The following GNPTG variants were observed in gnomAD, a reference collection of about 807,000 sequenced individuals.
The protein encoded by GNPTG is N-acetylglucosamine-1-phosphotransferase subunit gamma.
GNPTG carries 46 observed loss-of-function variants against 43.8 expected under a neutral mutation model. The observed-to-expected ratio is 1.05, with a 90% CI of 0.83 to 1.34. GNPTG has a LOEUF of 1.34. GNPTG is among the 40% of genes most tolerant of loss of function. GNPTG has a pLI of 0.00. For synonymous variants in GNPTG, 250 were observed against 172.8 expected (o/e 1.45, Z -3.50); for missense variants, 549 against 411.3 (o/e 1.33, Z -2.90).
chr16:1,360,818 C>T (rs2034855803), intron 3 of GNPTG: 1 of 152,284 alleles, frequency 6.6e-6, no homozygotes, highest in Non-Finnish European at 1.5e-5. Context: ...GGTATTAATT[C>T]ACCCTGCACG....
chr16:1,355,032 T>C (rs936259786), intron 3 of GNPTG, among the ~76,000 whole-genome samples: 1 of 152,090 alleles, frequency 6.6e-6, no homozygotes, highest in Non-Finnish European at 1.5e-5. Context: ...GTCTCCCGCA[T>C]GTGCGGGGTC....
At chr16:1,362,360 C>G (rs781193713) in intron 7 of GNPTG, 40 bp downstream of exon 7, 25 of 1,606,884 alleles carry the variant, frequency 1.6e-5, no homozygotes, top group Non-Finnish European at 2.1e-5. Context: ...TGGGGTCAGC[C>G]GCGCACGCAG....
chr16:1,353,930 G>A (rs372243850), intron 3 of GNPTG, among the ~76,000 whole-genome samples: 29 of 152,234 alleles, frequency 1.9e-4, no homozygotes, highest in Non-Finnish European at 3.7e-4. Context: ...GACAGCCAGG[G>A]CCAGAGGGGA....
chr16:1,363,550 C>A lies in GNPTG; in HGVS notation c.*459C>A, dbSNP rs2035001137. On this transcript the variant is annotated 3_prime_UTR_variant, in exon 11 of 11. Transcript: ENST00000204679. ...AGTTACAGACGACAGGCAACAAGAA[C>A]ATGCAGAGCCGGCCGCCAGCCAGCT... The A allele has an allele frequency of 4.2e-6, 1 of 236,860 alleles. No individual in the cohort carries two copies. Among genetic ancestry groups the A allele is most frequent in the Non-Finnish European group, 8.5e-6 (1 of 117,482 alleles). The allele number at this position is 236,860 out of a possible 1,614,324, so 14.7% of individuals were successfully genotyped here.
intron 3 of GNPTG, among the ~76,000 whole-genome samples, chr16:1,354,902 G>T (rs1410509385): frequency 6.6e-6 from 1 of 152,190 alleles, no homozygotes; most frequent in South Asian, 2.1e-4. Flanking sequence ...CCCCGCGTCT[G>T]TAGGGCCGGG....
At chr16:1,354,152 G>A (rs1367832562) in intron 3 of GNPTG, among the ~76,000 whole-genome samples, 2 of 151,064 alleles carry the variant, frequency 1.3e-5, no homozygotes, top group African/African-American at 4.9e-5. Context: ...CTGGAGTCGG[G>A]CCACCACCTA....
intron 8 of GNPTG, 33 bp from the exon 9 acceptor site, chr16:1,362,578 G>A (rs767026722): frequency 2.5e-6 from 4 of 1,614,046 alleles, no homozygotes; most frequent in Non-Finnish European, 8.5e-7. Flanking sequence ...CTGGCTGGGA[G>A]CTGGGTGCTG....
In GNPTG at chr16:1,362,753, G is replaced by T. The variant is rs774431331; in HGVS notation, c.741+11G>T. 3.7e-6 allele frequency: 6 copies of T among 1,613,990 alleles called. No homozygotes were observed. The highest frequency in any genetic ancestry group is 3.3e-5 in the South Asian group (3 of 91,080). Reference sequence around the variant, plus strand: ...GAAAACTGCAGGAAGGTACCGTATTGGGGGGAGGTGGTGGCACGCAGTAGC... The same window carrying T: ...GAAAACTGCAGGAAGGTACCGTATTTGGGGGAGGTGGTGGCACGCAGTAGC... On this transcript the variant is annotated intron_variant, in intron 9 of 10. Coordinates refer to ENST00000204679, the MANE Select transcript of GNPTG (RefSeq NM_032520.5).
chr16:1,361,622 T>C (rs1001290329), intron 3 of GNPTG, 121 bp from the exon 4 acceptor site: 96 of 986,156 alleles, frequency 9.7e-5, no homozygotes, highest in Middle Eastern at 4.6e-4. Flanking sequence ...CCAGCCTGGG[T>C]GACAGAGTGA....
Position 1,351,982 on chromosome 16 carries a change from C to T in GNPTG, c.17C>T (p.Ala6Val), listed in dbSNP as rs754225455. 27 of 1,386,730 alleles carry T rather than the reference C, an allele frequency of 1.9e-5. 1 individual carries two copies. In the South Asian group the frequency reaches 3.0e-4, roughly 15 times the overall value. The allele number at this position is 1,386,730 out of a possible 1,614,324, so 85.9% of individuals were successfully genotyped here. MAAGL[A>V]RLLLLLGLSA... Reference sequence around the variant, plus strand: ...TGCGGCGCGATGGCGGCGGGGCTGGCGCGGCTCCTGTTGCTCCTCGGGCTC... The same window carrying T: ...TGCGGCGCGATGGCGGCGGGGCTGGTGCGGCTCCTGTTGCTCCTCGGGCTC... The change falls in exon 1 of 11, where the codon GCG becomes GTG. Residue 6 changes from alanine to valine, a missense_variant. Transcript: ENST00000204679.
At chr16:1,356,392 G>T (rs2034776505) in intron 3 of GNPTG, among the ~76,000 whole-genome samples, 1 of 152,178 alleles carries the variant, frequency 6.6e-6, no homozygotes, top group South Asian at 2.1e-4. Flanking sequence ...GTATTTGGGG[G>T]TAGAGACTCC....
chr16:1,352,724 C>G (rs2034706974), intron 3 of GNPTG, among the ~76,000 whole-genome samples: 1 of 152,100 alleles, frequency 6.6e-6, no homozygotes, highest in South Asian at 2.1e-4. Context: ...GGTCTTCGTT[C>G]TTTCTCTTGG....
chr16:1,357,995 C>T (rs997161596), intron 3 of GNPTG, among the ~76,000 whole-genome samples: 15 of 152,014 alleles, frequency 9.9e-5, no homozygotes, highest in Non-Finnish European at 1.9e-4. Flanking sequence ...GGAGGATGGC[C>T]CGTGGCTGAC....
In GNPTG at chr16:1,362,982, C is replaced by G. The variant is rs760326711; in HGVS notation, c.824-15C>G. 1.9e-6 allele frequency: 3 copies of G among 1,613,994 alleles called. No homozygotes were observed. In the African/African-American group the frequency reaches 4.0e-5, roughly 22 times the overall value. On this transcript the variant is annotated splice_polypyrimidine_tract_variant and intron_variant, in intron 10 of 10. Transcript: ENST00000204679. The stretch of plus-strand genomic sequence containing the variant: ...GTGGGTCCAGGTGAGGACTGGCCAC[C>G]TGGTGTTTTGGCAGAAACTTCCAAC...
chr16:1,360,941 G>C (rs1331723523), intron 3 of GNPTG: 2 of 152,430 alleles, frequency 1.3e-5, no homozygotes, highest in Admixed American at 6.5e-5. Context: ...CTCTTTTTTG[G>C]GGGGTGGGGA....
intron 3 of GNPTG, chr16:1,357,818 TTTA>T (rs1002986188): frequency 3.3e-5 from 5 of 152,496 alleles, no homozygotes; most frequent in African/African-American, 9.6e-5. Flanking sequence ...TGGCCTCGAC[TTTA>T]TTATTAATAC....
At position 1,352,245 on chromosome 16, in the gene GNPTG, C is replaced by A. The variant is rs1039291038; in HGVS notation, c.117C>A (p.Asn39Lys). The change falls in exon 3 of 11, where the codon AAC becomes AAA. Residue 39 changes from asparagine (N) to lysine (K), a missense_variant. Transcript: ENST00000204679. ...VVEEPNAFGV[N>K]NPFLPQASRL... is the part of the protein sequence containing the mutation. The stretch of plus-strand genomic sequence containing the variant: ...ACCTTGCCGCTTCCCGTAGGGTGAA[C>A]AACCCGTTCTTGCCTCAGGCCAGTC... The A allele has an allele frequency of 6.5e-7, 1 of 1,548,748 alleles. No homozygotes were observed.
At chr16:1,354,955 A>T (rs570535747) in intron 3 of GNPTG, among the ~76,000 whole-genome samples, 41 of 149,796 alleles carry the variant, frequency 2.7e-4, no homozygotes, top group African/African-American at 1.0e-3. Flanking sequence ...CCGGGCGTGG[A>T]AAGTCCCCCG....
rs775359476 is a variant in GNPTG, at chr16:1,362,096, G to T, written c.376G>T (p.Gly126Cys). Residue 126 changes from glycine to cysteine, a missense_variant, in exon 6 of 11, where the codon GGT becomes TGT. Physicochemically the swap from Gly to Cys is radical, Grantham distance 159. Transcript: ENST00000204679. ...NTFTGMWMRD[G>C]DACRSRSRQS... ...CTTCACGGGCATGTGGATGAGGGACGGTGACGCCTGCCGTTCCCGGAGCCG... is the reference window on the plus strand; with the variant it reads ...CTTCACGGGCATGTGGATGAGGGACTGTGACGCCTGCCGTTCCCGGAGCCG... The T allele has an allele frequency of 2.5e-6, 4 of 1,611,460 alleles. No homozygotes were observed. The highest frequency in any genetic ancestry group is 3.4e-6 in the Non-Finnish European group (4 of 1,179,260).
Sources: allele counts gnomAD v4.1 joint callset (sites outside exome capture counted in the v4.1 genomes callset), GRCh38; gene constraint gnomAD v4.1.1; transcripts MANE v1.5; gene names NCBI Gene and HGNC (gene_info 2026-07-23, HGNC 2026-07-21).